DROSHA: variants seen among roughly 807,000 people sequenced by gnomAD.
The protein encoded by DROSHA is ribonuclease 3.
In DROSHA, 56 loss-of-function variants were observed where a neutral mutation model predicts 181.9. That is an observed-to-expected ratio of 0.31 (90% CI 0.25 to 0.38). The LOEUF is 0.38. Among genes scored for constraint, DROSHA ranks in the 10% least tolerant of loss-of-function variants. DROSHA has a pLI of 1.00. For synonymous variants in DROSHA, 524 were observed against 591.2 expected, an observed-to-expected ratio of 0.89 and a Z score of 1.65; for missense variants, 1,218 against 1,743.5, an observed-to-expected ratio of 0.70 and a Z score of 5.37.
chr5:31,437,216 A>G, intron 24 of DROSHA, 23 bp downstream of exon 24: 3 of 1,557,228 alleles, frequency 1.9e-6, no homozygotes, highest in Non-Finnish European at 2.6e-6. Flanking sequence ...GAGGAATTGT[A>G]AAAAACAAAA....
chr5:31,439,620 A>G (rs1447823126), intron 23 of DROSHA, among the ~76,000 whole-genome samples: 2 of 152,200 alleles, frequency 1.3e-5, no homozygotes, highest in Non-Finnish European at 2.9e-5. Flanking sequence ...TGTGTAACTT[A>G]TAACTTAAAC....
intron 5 of DROSHA, among the ~76,000 whole-genome samples, chr5:31,521,810 T>C (rs1291968492): frequency 6.6e-6 from 1 of 151,832 alleles, no homozygotes; most frequent in Non-Finnish European, 1.5e-5. Context: ...TAAAAAAAAA[T>C]AGATGAGGAA....
At chr5:31,522,229 G>C (rs1359365164) in intron 5 of DROSHA, among the ~76,000 whole-genome samples, 1 of 152,072 alleles carries the variant, frequency 6.6e-6, no homozygotes, top group Non-Finnish European at 1.5e-5. Context: ...ATATATACCA[G>C]CTATCCCAAA....
chr5:31,498,804 C>T (rs531821315), intron 11 of DROSHA, among the ~76,000 whole-genome samples: 1 of 151,926 alleles, frequency 6.6e-6, no homozygotes, highest in East Asian at 1.9e-4. Context: ...TTGCGGTGAG[C>T]CGAAATCACA....
intron 18 of DROSHA, among the ~76,000 whole-genome samples, chr5:31,466,691 A>G (rs1749052797): frequency 6.6e-6 from 1 of 152,200 alleles, no homozygotes; most frequent in South Asian, 2.1e-4. Flanking sequence ...GGAGACTGTC[A>G]GTTGCTGAAC....
At chr5:31,462,014 C>G (rs951100017) in intron 20 of DROSHA, among the ~76,000 whole-genome samples, 1 of 152,088 alleles carries the variant, frequency 6.6e-6, no homozygotes, top group African/African-American at 2.4e-5. Flanking sequence ...GTGTAAGGTA[C>G]TATTTCACCA....
chr5:31,464,605 C>T (rs1027062384), intron 19 of DROSHA, among the ~76,000 whole-genome samples: 1 of 149,400 alleles, frequency 6.7e-6, no homozygotes, highest in Non-Finnish European at 1.5e-5. Context: ...TATTTTTGAA[C>T]AAAATATGCC....
At chr5:31,406,733 T>G in intron 34 of DROSHA, 120 bp downstream of exon 34, 1 of 905,046 alleles carries the variant, frequency 1.1e-6, no homozygotes, top group Non-Finnish European at 1.7e-6. Context: ...TTGCTACTAC[T>G]CTTGAACATT....
intron 23 of DROSHA, among the ~76,000 whole-genome samples, chr5:31,439,146 A>C (rs1745239267): frequency 6.6e-6 from 1 of 152,184 alleles, no homozygotes; most frequent in African/African-American, 2.4e-5. Context: ...CAGCCCTCCC[A>C]TACCCATGGT....
intron 12 of DROSHA, among the ~76,000 whole-genome samples, chr5:31,494,096 G>C (rs1427047365): frequency 6.6e-6 from 1 of 151,932 alleles, no homozygotes; most frequent in Non-Finnish European, 1.5e-5. Flanking sequence ...AGCCTCCTAA[G>C]TAGCTGGGAT....
chr5:31,472,475 T>C (rs923955462), intron 16 of DROSHA, among the ~76,000 whole-genome samples: 2 of 152,184 alleles, frequency 1.3e-5, no homozygotes, highest in Admixed American at 6.5e-5. Context: ...TTATAAATGA[T>C]AAAAGGCTCC....
intron 5 of DROSHA, among the ~76,000 whole-genome samples, chr5:31,525,503 CAAAA>C (rs397970711): frequency 1.1e-4 from 4 of 36,172 alleles, no homozygotes; most frequent in African/African-American, 1.8e-4. Flanking sequence ...GATTCTGTCA[CAAAA>C]AAAAAAAAAA....
chr5:31,435,254 G>A (rs1744651784), intron 25 of DROSHA, among the ~76,000 whole-genome samples: 1 of 152,192 alleles, frequency 6.6e-6, no homozygotes, highest in Admixed American at 6.5e-5. Context: ...CTAAGTCAAT[G>A]AGGCTAGGGG....
intron 14 of DROSHA, among the ~76,000 whole-genome samples, chr5:31,485,560 G>C (rs763051765): frequency 6.7e-6 from 1 of 149,088 alleles, no homozygotes; most frequent in Admixed American, 6.8e-5. Context: ...ATCACCCTGC[G>C]TGAGATCACG....
chr5:31,509,334 T>G (rs1738388210), intron 9 of DROSHA, among the ~76,000 whole-genome samples: 1 of 151,996 alleles, frequency 6.6e-6, no homozygotes, highest in African/African-American at 2.4e-5. Flanking sequence ...AAGTAAGACT[T>G]GATGAGCAAT....
intron 28 of DROSHA, among the ~76,000 whole-genome samples, chr5:31,423,512 C>T (rs1046977294): frequency 1.1e-4 from 17 of 152,196 alleles, no homozygotes; most frequent in African/African-American, 3.1e-4. Context: ...ATCATTAAAA[C>T]AGAGTTCAAT....
chr5:31,491,698 G>GAA (rs373333477), intron 13 of DROSHA, among the ~76,000 whole-genome samples: 16,476 of 146,268 alleles, frequency 0.11, 1,261 homozygotes, highest in East Asian at 0.23. Flanking sequence ...TGTGACACTT[G>GAA]AAAAAAAAAA....
In DROSHA at chr5:31,526,888, T is replaced by A. The variant is rs376357155; in HGVS notation, c.45A>T (p.Gly15=). 14 of 1,612,776 alleles carry A rather than the reference T, an allele frequency of 8.7e-6. No homozygotes were observed. The African/African-American group carries it at 1.6e-4, about 18-fold the overall frequency. ...NTCHRMSFHP[G]RGCPRGRGGH... ...CTCCTCGTCCTCGGGGACACCCTCG[T>A]CCCGGGTGGAACGACATTCTGTGAC... The change falls in exon 5 of 36, where the codon GGA becomes GGT. Residue 15 remains glycine (G), a synonymous_variant. Coordinates refer to ENST00000344624, the MANE Select transcript of DROSHA (RefSeq NM_001382508.1).
intron 27 of DROSHA, among the ~76,000 whole-genome samples, chr5:31,428,647 T>A (rs563713608): frequency 7.0e-4 from 106 of 152,268 alleles, no homozygotes; most frequent in African/African-American, 2.4e-3. Flanking sequence ...GATCCTTTTT[T>A]AAAAAAACTA....
Sources: gnomAD v4.1 joint callset for allele counts (sites outside exome capture counted in the v4.1 genomes callset) on GRCh38, gnomAD v4.1.1 for gene constraint, MANE v1.5 for transcripts, NCBI Gene and HGNC (gene_info 2026-07-23, HGNC 2026-07-21) for gene names.